Variants in LRMDA observed in about 807,000 individuals in gnomAD.
LRMDA encodes leucine-rich melanocyte differentiation-associated protein.
A neutral mutation model predicts 29.8 loss-of-function variants in LRMDA; 18 were observed. The observed-to-expected ratio is 0.60, with a 90% CI of 0.42 to 0.90. The LOEUF (loss-of-function observed/expected upper bound fraction) is 0.90. Ranked by LOEUF, LRMDA falls within the 40% of genes least tolerant of loss-of-function variation. The pLI is 0.00. For missense variants in LRMDA, 273 were observed against 273.9 expected, an observed-to-expected ratio of 1.00 and a Z score of 0.02; for synonymous variants, 125 against 109.4, an observed-to-expected ratio of 1.14 and a Z score of -0.89.
intron 2 of LRMDA, among the ~76,000 whole-genome samples, chr10:75,518,053 C>T (rs1241880795): frequency 6.6e-6 from 1 of 152,116 alleles, no homozygotes. Flanking sequence ...ATGAAGCCCA[C>T]TTGATTGTGG....
At chr10:75,628,096 A>G (rs1228970508) in intron 2 of LRMDA, among the ~76,000 whole-genome samples, 1 of 152,204 alleles carries the variant, frequency 6.6e-6, no homozygotes, top group African/African-American at 2.4e-5. Flanking sequence ...AAAGAAGACA[A>G]TAAAACATCA....
At chr10:75,599,424 G>T (rs1244244782) in intron 2 of LRMDA, among the ~76,000 whole-genome samples, 1 of 152,204 alleles carries the variant, frequency 6.6e-6, no homozygotes, top group Non-Finnish European at 1.5e-5. Flanking sequence ...GGATCAAACA[G>T]CCGCCAAGCT....
At chr10:75,599,068 G>A (rs1439517464) in intron 2 of LRMDA, among the ~76,000 whole-genome samples, 1 of 152,068 alleles carries the variant, frequency 6.6e-6, no homozygotes, top group Non-Finnish European at 1.5e-5. Context: ...ATGGGAAGGT[G>A]ACACTTGAGG....
Position 76,260,156 on chromosome 10 carries a change from T to C in LRMDA, c.517-64245T>C, listed in dbSNP as rs1357981711. On this transcript the variant is annotated intron_variant, in intron 5 of 6. Coordinates refer to ENST00000611255, the MANE Select transcript of LRMDA (RefSeq NM_001305581.2). ...CCTGGTTGTTTGGTATATTTTGTTC[T>C]TTACTTCCTCTCTTATTATTTAATT... 2.6e-5 allele frequency among the ~76,000 whole-genome samples: 4 copies of C among 152,282 alleles called. No individual in the cohort carries two copies. In the East Asian group the frequency reaches 5.8e-4, roughly 22 times the overall value.
chr10:76,481,861 C>G (rs1309268404), intron 6 of LRMDA, among the ~76,000 whole-genome samples: 1 of 151,870 alleles, frequency 6.6e-6, no homozygotes, highest in Admixed American at 6.6e-5. Context: ...TTGGGTAATA[C>G]ATTCATTTCA....
At chr10:75,819,512 T>C (rs1254570135) in intron 2 of LRMDA, among the ~76,000 whole-genome samples, 4 of 152,216 alleles carry the variant, frequency 2.6e-5, no homozygotes, top group Admixed American at 2.6e-4. Flanking sequence ...CAGATACCTT[T>C]AAAATTGCCT....
At chr10:76,352,727 T>G (rs1307118131) in intron 6 of LRMDA, among the ~76,000 whole-genome samples, 1 of 152,148 alleles carries the variant, frequency 6.6e-6, no homozygotes, top group Non-Finnish European at 1.5e-5. Flanking sequence ...ATTATTATTA[T>G]TATCAATAGT....
At chr10:76,250,042 G>T (rs568962892) in intron 5 of LRMDA, among the ~76,000 whole-genome samples, 1 of 152,298 alleles carries the variant, frequency 6.6e-6, no homozygotes, top group East Asian at 1.9e-4. Flanking sequence ...CTGACATCAG[G>T]TGATCCACCT....
At chr10:75,526,124 G>T (rs538773326) in intron 2 of LRMDA, among the ~76,000 whole-genome samples, 2 of 151,844 alleles carry the variant, frequency 1.3e-5, no homozygotes, top group African/African-American at 4.8e-5. Context: ...GGAGTGCAGT[G>T]GTGTGATCAT....
chr10:76,522,656 A>G (rs1443757507), intron 6 of LRMDA, among the ~76,000 whole-genome samples: 1 of 152,142 alleles, frequency 6.6e-6, no homozygotes, highest in Non-Finnish European at 1.5e-5. Context: ...ACTCATGTGC[A>G]TTTCTTTTGA....
chr10:75,918,833 G>C (rs138893309), intron 2 of LRMDA, among the ~76,000 whole-genome samples: 2 of 152,196 alleles, frequency 1.3e-5, no homozygotes. Flanking sequence ...TTATTCACCT[G>C]TTTAGTTTAA....
chr10:75,929,293 C>CTGTGTGTGTGTGTGTG (rs1356774992), intron 2 of LRMDA, among the ~76,000 whole-genome samples: 11 of 108,314 alleles, frequency 1.0e-4, no homozygotes, highest in East Asian at 7.9e-4. Flanking sequence ...AATGCATGAT[C>CTGTGTGTGTGTGTGTG]TATGTGTGTG....
chr10:76,190,267 G>A (rs1297107997), intron 5 of LRMDA, among the ~76,000 whole-genome samples: 1 of 151,956 alleles, frequency 6.6e-6, no homozygotes, highest in African/African-American at 2.4e-5. Context: ...TTCTAAAGTG[G>A]CATCATTTTC....
intron 5 of LRMDA, among the ~76,000 whole-genome samples, chr10:76,080,267 A>G (rs1849027927): frequency 6.6e-6 from 1 of 152,194 alleles, no homozygotes; most frequent in Non-Finnish European, 1.5e-5. Context: ...TCTTTAAGCC[A>G]TATTATATTT....
intron 2 of LRMDA, among the ~76,000 whole-genome samples, chr10:75,559,188 C>A (rs1449934719): frequency 6.6e-6 from 1 of 152,196 alleles, no homozygotes; most frequent in Admixed American, 6.5e-5. Context: ...TCCTTTACAG[C>A]ACCTGTTGTT....
chr10:75,737,093 A>ACACACACATGCACACGCACG (rs1160546479), intron 2 of LRMDA, among the ~76,000 whole-genome samples: 6 of 151,808 alleles, frequency 4.0e-5, no homozygotes, highest in African/African-American at 7.3e-5. Flanking sequence ...ATGCATGCAC[A>ACACACACATGCACACGCACG]CACACACATG....
At chr10:75,985,345 A>G (rs1474233925) in intron 2 of LRMDA, among the ~76,000 whole-genome samples, 1 of 152,222 alleles carries the variant, frequency 6.6e-6, no homozygotes, top group Non-Finnish European at 1.5e-5. Flanking sequence ...ATTAGTTCAC[A>G]TGTCTGAGAA....
chr10:76,068,369 C>T lies in LRMDA; in HGVS notation c.516+9586C>T, dbSNP rs544264341. ...ATAATCTTAGGGCAGCAGTCACCAA[C>T]GTTTCTGGCACCAGGGACTAGTTTT... On this transcript the variant is annotated intron_variant, in intron 5 of 6. Coordinates refer to ENST00000611255, the MANE Select transcript of LRMDA (RefSeq NM_001305581.2). Among the ~76,000 whole-genome samples the T allele has an allele frequency of 5.1e-4, 77 of 152,306 alleles. No homozygotes were observed. The South Asian group carries it at 0.013, about 26-fold the overall frequency.
intron 5 of LRMDA, among the ~76,000 whole-genome samples, chr10:76,247,791 G>T (rs1265774414): frequency 2.0e-5 from 3 of 152,146 alleles, no homozygotes; most frequent in Non-Finnish European, 2.9e-5. Context: ...GCATTTGCAT[G>T]TGGGGTCCTA....
Sources: gnomAD v4.1 joint callset for allele counts (sites outside exome capture counted in the v4.1 genomes callset) on GRCh38, gnomAD v4.1.1 for gene constraint, MANE v1.5 for transcripts, NCBI Gene and HGNC (gene_info 2026-07-23, HGNC 2026-07-21) for gene names.